EYS: variants seen among roughly 807,000 people sequenced by gnomAD.
The protein encoded by EYS is protein eyes shut homolog.
In EYS, 250 loss-of-function variants were observed where a neutral mutation model predicts 282.1. The observed-to-expected ratio is 0.89, with a 90% CI of 0.80 to 0.98. The LOEUF (loss-of-function observed/expected upper bound fraction) is 0.98, where lower values mean the gene tolerates loss of function less well. Among genes scored for constraint, EYS ranks in the 50% least tolerant of loss-of-function variants. The pLI, the probability that EYS is intolerant of heterozygous loss-of-function variation, is 0.00. For synonymous variants in EYS, 1,355 were observed against 1,282.9 expected (o/e 1.06, Z -1.20); for missense variants, 4,016 against 3,709.0 (o/e 1.08, Z -2.15).
chr6:65,339,370 A>T (rs372722602), intron 10 of EYS, among the ~76,000 whole-genome samples: 1 of 151,262 alleles, frequency 6.6e-6, no homozygotes, highest in African/African-American at 2.4e-5. Context: ...CCATGATTTC[A>T]GTCACCACGG....
intron 22 of EYS, among the ~76,000 whole-genome samples, chr6:64,678,023 A>G (rs941061299): frequency 2.0e-5 from 3 of 152,070 alleles, no homozygotes; most frequent in African/African-American, 7.2e-5. Context: ...ACACTAAGAA[A>G]TCAGGATTTT....
At chr6:63,957,124 T>C (rs1483128055) in intron 35 of EYS, among the ~76,000 whole-genome samples, 1 of 96,022 alleles carries the variant, frequency 1.0e-5, no homozygotes, top group African/African-American at 2.7e-5. Context: ...ATGAAGCTTA[T>C]GTAAGACAAT....
chr6:64,193,027 A>T (rs922242216), intron 31 of EYS, among the ~76,000 whole-genome samples: 36 of 152,302 alleles, frequency 2.4e-4, no homozygotes, highest in African/African-American at 8.2e-4. Flanking sequence ...ATTCTTACAG[A>T]TTTAAAATAA....
At chr6:64,149,193 C>A (rs1379145398) in intron 31 of EYS, among the ~76,000 whole-genome samples, 1 of 152,170 alleles carries the variant, frequency 6.6e-6, no homozygotes, top group East Asian at 1.9e-4. Flanking sequence ...GTATAATAGT[C>A]CACTAGTATC....
chr6:65,643,738 G>A (rs1767360004), intron 1 of EYS, among the ~76,000 whole-genome samples: 1 of 152,078 alleles, frequency 6.6e-6, no homozygotes, highest in Non-Finnish European at 1.5e-5. Flanking sequence ...AAGACCTGAA[G>A]ATGAATCACA....
chr6:64,801,563 TAAATTTCTACCTTTGTTGATG>T (rs1392856314), intron 22 of EYS, among the ~76,000 whole-genome samples: 1 of 152,146 alleles, frequency 6.6e-6, no homozygotes, highest in Non-Finnish European at 1.5e-5. Flanking sequence ...ACTGACTCTG[TAAATTTCTACCTTTGTTGATG>T]AATTGAACAT....
intron 12 of EYS, among the ~76,000 whole-genome samples, chr6:65,062,497 C>T (rs978926400): frequency 6.6e-6 from 1 of 151,848 alleles, no homozygotes; most frequent in Admixed American, 6.6e-5. Flanking sequence ...ACAACACATC[C>T]AGAGTAATTT....
intron 19 of EYS, among the ~76,000 whole-genome samples, chr6:64,859,249 A>G (rs1276956321): frequency 6.8e-6 from 1 of 148,014 alleles, no homozygotes; most frequent in Non-Finnish European, 1.5e-5. Context: ...AAATATATTA[A>G]TATATTTATA....
intron 40 of EYS, among the ~76,000 whole-genome samples, chr6:63,765,224 C>T (rs1353152081): frequency 6.6e-6 from 1 of 152,034 alleles, no homozygotes; most frequent in Non-Finnish European, 1.5e-5. Context: ...TGAGATTCTA[C>T]AACACAGGAG....
chr6:64,113,150 T>C (rs1054846052), intron 31 of EYS, among the ~76,000 whole-genome samples: 2 of 152,174 alleles, frequency 1.3e-5, no homozygotes, highest in African/African-American at 4.8e-5. Flanking sequence ...AAACTATTTT[T>C]CAACCTGTAA....
rs1268128235 is a variant in EYS at position 65,332,442 on chromosome 6, A to G, written c.1766+2538T>C. 10 of 1,380,672 alleles carry G rather than the reference A, an allele frequency of 7.2e-6. No individual in the cohort carries two copies. In the Admixed American group the frequency reaches 2.0e-4, roughly 27 times the overall value. 85.5% of individuals were successfully genotyped at this position (1,380,672 alleles called of 1,614,324 possible). ...TCTGTGAATTAATTTGGGAAGAATT[A>G]ATATTTTAGCTAACTTAAGGCCTAA... is the stretch of plus-strand genomic sequence containing the variant. On this transcript the variant is annotated intron_variant, in intron 11 of 42. Transcript: ENST00000503581.
intron 29 of EYS, among the ~76,000 whole-genome samples, chr6:64,340,043 AT>A (rs1409241775): frequency 2.1e-3 from 2 of 968 alleles, no homozygotes; most frequent in African/African-American, 0.01. Context: ...CCAATAATCT[AT>A]GAAAAAAAAT....
chr6:65,369,285 A>G (rs1283176794), intron 8 of EYS, among the ~76,000 whole-genome samples: 1 of 115,810 alleles, frequency 8.6e-6, no homozygotes. Flanking sequence ...ATTTATATAT[A>G]TTATATATAT....
At chr6:64,865,971 A>C (rs987585392) in intron 19 of EYS, among the ~76,000 whole-genome samples, 7 of 152,062 alleles carry the variant, frequency 4.6e-5, no homozygotes, top group Non-Finnish European at 1.5e-5. Context: ...AACAGAAATC[A>C]GAAATTTTAA....
At chr6:65,111,420 C>CA (rs1775208410) in intron 12 of EYS, among the ~76,000 whole-genome samples, 1 of 152,114 alleles carries the variant, frequency 6.6e-6, no homozygotes, top group Non-Finnish European at 1.5e-5. Flanking sequence ...GCAATATAGA[C>CA]AAAATATATA....
chr6:63,757,858 T>C (rs569579704), intron 41 of EYS, among the ~76,000 whole-genome samples: 2 of 152,178 alleles, frequency 1.3e-5, no homozygotes, highest in Non-Finnish European at 2.9e-5. Flanking sequence ...TTATTTAAAA[T>C]TTAACAATTT....
At chr6:64,300,769 A>G (rs1769206622) in intron 30 of EYS, among the ~76,000 whole-genome samples, 1 of 152,142 alleles carries the variant, frequency 6.6e-6, no homozygotes, top group African/African-American at 2.4e-5. Context: ...TTGGCCTACA[A>G]TCTTTATTGA....
In EYS at chr6:65,335,090, A is replaced by G. The variant is rs776802379; in HGVS notation, c.1656T>C (p.Tyr552=). The stretch of plus-strand genomic sequence containing the variant: ...TGCCAGCCCATCTGAGAAAACATAG[A>G]TACCGATATTCCTGACTGTCTTCTT... The part of the protein sequence containing the change: ...LSEEDSQEYR[Y]LCFLRWAGNM... Residue 552 remains tyrosine (Y), a synonymous_variant, in exon 11 of 43, where the codon TAT becomes TAC. Coordinates refer to ENST00000503581, the MANE Select transcript of EYS (RefSeq NM_001142800.2). 1 of 1,612,182 alleles carries G rather than the reference A, an allele frequency of 6.2e-7. No homozygotes were observed. The highest frequency in any genetic ancestry group is 1.3e-5 in the African/African-American group (1 of 74,916).
intron 14 of EYS, among the ~76,000 whole-genome samples, chr6:64,971,114 T>C (rs985313920): frequency 6.6e-6 from 1 of 152,102 alleles, no homozygotes; most frequent in Non-Finnish European, 1.5e-5. Flanking sequence ...GCTGGAAAAT[T>C]TAATGCCAAC....
Sources: gnomAD v4.1 joint callset for allele counts (sites outside exome capture counted in the v4.1 genomes callset) on GRCh38, gnomAD v4.1.1 for gene constraint, MANE v1.5 for transcripts, NCBI Gene and HGNC (gene_info 2026-07-23, HGNC 2026-07-21) for gene names.